Variants in PCDHA2 observed in about 807,000 individuals in gnomAD.
The protein encoded by PCDHA2 is protocadherin alpha-2.
Under a neutral mutation model 66.0 loss-of-function variants are expected in PCDHA2, and 58 were observed. The ratio of observed to expected loss-of-function variants is 0.88; its 90% CI spans 0.71 to 1.09. The LOEUF (loss-of-function observed/expected upper bound fraction) is 1.09. Ranked by LOEUF, PCDHA2 falls within the 50% of genes least tolerant of loss-of-function variation. The pLI is 0.00. For synonymous variants in PCDHA2, 634 were observed against 554.0 expected (o/e 1.14, Z -2.03); for missense variants, 1,267 against 1,242.3 (o/e 1.02, Z -0.30).
At chr5:140,832,784 G>A (rs1414101798) in intron 1 of PCDHA2, among the ~76,000 whole-genome samples, 1 of 152,146 alleles carries the variant, frequency 6.6e-6, no homozygotes, top group African/African-American at 2.4e-5. Context: ...TGCTAGAAAG[G>A]TACATCATAG....
chr5:140,880,848 T>C (rs557784006), intron 1 of PCDHA2, among the ~76,000 whole-genome samples: 31 of 152,258 alleles, frequency 2.0e-4, no homozygotes, highest in African/African-American at 7.0e-4. Flanking sequence ...TGGTTGACTA[T>C]GTAGTCTAAT....
Position 140,982,458 on chromosome 5 carries a change from T to C in PCDHA2, c.2448-17T>C, listed in dbSNP as rs1554244201. 1 of 1,613,996 alleles carries C rather than the reference T, an allele frequency of 6.2e-7. No homozygotes were observed. Among genetic ancestry groups the C allele is most frequent in the Non-Finnish European group, 8.5e-7 (1 of 1,179,964 alleles). ...ATTTATGATCTAACCGTTATCTGGG[T>C]CTGTGTGTTTATTCAGCTCTGTGCA... On this transcript the variant is annotated splice_polypyrimidine_tract_variant and intron_variant, in intron 2 of 3. Transcript: ENST00000526136.
chr5:140,801,089 T>C, intron 1 of PCDHA2: 1 of 1,492,868 alleles, frequency 6.7e-7, no homozygotes, highest in Non-Finnish European at 8.9e-7. Flanking sequence ...TGCTTCATCC[T>C]CTCTAAAATT....
At chr5:140,947,362 C>T (rs1378703066) in intron 1 of PCDHA2, among the ~76,000 whole-genome samples, 2 of 151,632 alleles carry the variant, frequency 1.3e-5, no homozygotes, top group Admixed American at 6.6e-5. Context: ...TATTTCACTC[C>T]TTTGATCTAT....
rs2150316102 is a variant in PCDHA2 at position 140,841,467 on chromosome 5, C to T, written c.2388+44115C>T. On this transcript the variant is annotated intron_variant, in intron 1 of 3. Coordinates refer to ENST00000526136, the MANE Select transcript of PCDHA2 (RefSeq NM_018905.3). Reference sequence around the variant, plus strand: ...CACGGCACCTTCGTGGGCCGGATCGCGCAGGACCTGGGGCTGGAGCTGGCG... The same window carrying T: ...CACGGCACCTTCGTGGGCCGGATCGTGCAGGACCTGGGGCTGGAGCTGGCG... The T allele has an allele frequency of 2.4e-5, 39 of 1,612,946 alleles. 1 individual carries two copies. In the South Asian group the frequency reaches 4.0e-4, roughly 16 times the overall value.
At chr5:140,822,189 A>G in intron 1 of PCDHA2, 1 of 1,614,246 alleles carries the variant, frequency 6.2e-7, no homozygotes, top group Non-Finnish European at 8.5e-7. Flanking sequence ...AAGAACAAAG[A>G]TTATTCATTT....
chr5:140,863,769 C>T (rs1032568276), intron 1 of PCDHA2: 6 of 236,858 alleles, frequency 2.5e-5, no homozygotes, highest in African/African-American at 1.1e-4. Context: ...GAAGCCGAGG[C>T]GGGCGGATCA....
chr5:140,940,770 T>A (rs560965178), intron 1 of PCDHA2, among the ~76,000 whole-genome samples: 5 of 152,270 alleles, frequency 3.3e-5, no homozygotes, highest in Non-Finnish European at 7.3e-5. Context: ...ATTTGACTTT[T>A]GATGGTCCAT....
At chr5:140,904,729 TA>T (rs1313627737) in intron 1 of PCDHA2, among the ~76,000 whole-genome samples, 4 of 152,162 alleles carry the variant, frequency 2.6e-5, no homozygotes, top group East Asian at 1.9e-4. Context: ...CAACATCTAT[TA>T]TTTTTTTATT....
At chr5:140,917,332 G>GT (rs1293292013) in intron 1 of PCDHA2, among the ~76,000 whole-genome samples, 2 of 145,540 alleles carry the variant, frequency 1.4e-5, no homozygotes, top group Non-Finnish European at 3.0e-5. Flanking sequence ...GGCGGGGGAG[G>GT]GGGGGGATGG....
Position 140,870,720 on chromosome 5 carries a change from G to A in PCDHA2, c.2388+73368G>A, listed in dbSNP as rs544150374. ...AGTTCCAGGTGAGCGCGCGCGATGC[G>A]GGCGTGCCGCCTCTGAGCAGCAACG... On this transcript the variant is annotated intron_variant, in intron 1 of 3. Coordinates refer to ENST00000526136, the MANE Select transcript of PCDHA2 (RefSeq NM_018905.3). The A allele has an allele frequency of 3.7e-6, 6 of 1,613,204 alleles. No homozygotes were observed. In the East Asian group the frequency reaches 6.7e-5, roughly 18 times the overall value.
intron 3 of PCDHA2, among the ~76,000 whole-genome samples, chr5:141,001,365 T>C (rs577695639): frequency 6.6e-6 from 1 of 152,354 alleles, no homozygotes; most frequent in African/African-American, 2.4e-5. Context: ...AGCCTACTAT[T>C]CTGATTACAG....
chr5:140,796,272 G>A lies in PCDHA2; in HGVS notation c.1308G>A (p.Trp436Ter), dbSNP rs782466691. The A allele has an allele frequency of 1.2e-6, 2 of 1,614,100 alleles. No homozygotes were observed. Among genetic ancestry groups the A allele is most frequent in the South Asian group, 1.1e-5 (1 of 91,074 alleles). The change falls in exon 1 of 4, where the codon TGG (tryptophan) becomes TGA (stop). Residue 436 changes from tryptophan (W) to a stop codon, truncating the protein, a stop_gained. Transcript: ENST00000526136. LOFTEE classifies it high-confidence loss of function. ...GGGACGGGGGCTCGCCTTCACTGTGGGCCACCACCAGCGTGTCCATCGAGG... is the reference window on the plus strand; with the variant it reads ...GGGACGGGGGCTCGCCTTCACTGTGAGCCACCACCAGCGTGTCCATCGAGG... ...TARDGGSPSLWATTSVSIEVA... is the reference protein window; with the variant it reads ...TARDGGSPSL
chr5:140,957,968 T>C (rs1276763203), intron 1 of PCDHA2, among the ~76,000 whole-genome samples: 1 of 152,154 alleles, frequency 6.6e-6, no homozygotes, highest in Non-Finnish European at 1.5e-5. Flanking sequence ...TCAGAGATGC[T>C]GTATAAATAG....
intron 1 of PCDHA2, among the ~76,000 whole-genome samples, chr5:140,977,149 G>A (rs1484811068): frequency 6.6e-6 from 1 of 152,198 alleles, no homozygotes; most frequent in Non-Finnish European, 1.5e-5. Flanking sequence ...TGCTGGAACT[G>A]TGCCTTTCAG....
chr5:140,969,401 T>A, intron 1 of PCDHA2: 1 of 1,579,566 alleles, frequency 6.3e-7, no homozygotes, highest in Non-Finnish European at 8.6e-7. Flanking sequence ...ATCCTGTGAT[T>A]TGGCTTTATT....
intron 1 of PCDHA2, among the ~76,000 whole-genome samples, chr5:140,943,803 G>A (rs1429767850): frequency 6.6e-6 from 1 of 152,214 alleles, no homozygotes; most frequent in Non-Finnish European, 1.5e-5. Flanking sequence ...AAGCAAAAGA[G>A]GAAAGTTTGA....
intron 3 of PCDHA2, among the ~76,000 whole-genome samples, chr5:141,003,070 G>A (rs1588007737): frequency 6.6e-6 from 1 of 152,232 alleles, no homozygotes; most frequent in South Asian, 2.1e-4. Flanking sequence ...AAATGCAGAT[G>A]AGGGTGAGTT....
intron 1 of PCDHA2, chr5:140,876,054 A>C: frequency 6.2e-7 from 1 of 1,613,940 alleles, no homozygotes; most frequent in Non-Finnish European, 8.5e-7. Context: ...TGCCTGAATT[A>C]GTTCTTCGGA....
Sources: allele counts gnomAD v4.1 joint callset (sites outside exome capture counted in the v4.1 genomes callset), GRCh38; gene constraint gnomAD v4.1.1; transcripts MANE v1.5; gene names NCBI Gene and HGNC (gene_info 2026-07-23, HGNC 2026-07-21).